The following TMEM132C variants were observed in gnomAD, a reference collection of about 807,000 sequenced individuals.
TMEM132C encodes the protein protein phosphatase 1, regulatory subunit 152.
Under a neutral mutation model 61.4 loss-of-function variants are expected in TMEM132C, and 29 were observed. That is an observed-to-expected ratio of 0.47 (90% CI 0.35 to 0.64). The LOEUF (loss-of-function observed/expected upper bound fraction) is 0.64, where lower values mean the gene tolerates loss of function less well. Among genes scored for constraint, TMEM132C ranks in the 30% least tolerant of loss-of-function variants. The pLI, the probability that TMEM132C is intolerant of heterozygous loss-of-function variation, is 0.00. For missense variants in TMEM132C, 1,408 were observed against 1,476.9 expected, an observed-to-expected ratio of 0.95 and a Z score of 0.76; for synonymous variants, 656 against 633.1, an observed-to-expected ratio of 1.04 and a Z score of -0.54.
intron 1 of TMEM132C, among the ~76,000 whole-genome samples, chr12:128,376,065 C>G (rs929568395): frequency 6.6e-6 from 1 of 152,186 alleles, no homozygotes; most frequent in African/African-American, 2.4e-5. Context: ...GTTCTGCTTT[C>G]CCGTTTTCCC....
At chr12:128,306,454 G>C (rs973668635) in intron 1 of TMEM132C, among the ~76,000 whole-genome samples, 1 of 151,984 alleles carries the variant, frequency 6.6e-6, no homozygotes, top group African/African-American at 2.4e-5. Context: ...TGCCCACCTC[G>C]GCCTCCCAAA....
chr12:128,609,340 G>A (rs977230714), intron 3 of TMEM132C, among the ~76,000 whole-genome samples: 1 of 142,464 alleles, frequency 7.0e-6, no homozygotes, highest in Non-Finnish European at 1.5e-5. Flanking sequence ...CCAGGCTCAA[G>A]GGATCCTCCC....
intron 1 of TMEM132C, among the ~76,000 whole-genome samples, chr12:128,313,496 G>C (rs548214986): frequency 6.6e-6 from 1 of 152,194 alleles, no homozygotes; most frequent in South Asian, 2.1e-4. Flanking sequence ...TCCAGTTATC[G>C]GGACTGGCTT....
intron 2 of TMEM132C, among the ~76,000 whole-genome samples, chr12:128,495,051 C>T (rs1310730823): frequency 7.8e-6 from 1 of 129,018 alleles, no homozygotes; most frequent in African/African-American, 2.7e-5. Flanking sequence ...TGTCTTTGTT[C>T]TCGTTGGTTT....
intron 1 of TMEM132C, among the ~76,000 whole-genome samples, chr12:128,413,453 G>A (rs12303836): frequency 6.6e-6 from 1 of 151,926 alleles, no homozygotes; most frequent in African/African-American, 2.4e-5. Flanking sequence ...TTCCCTTCCA[G>A]AAAGGTCGTA....
intron 2 of TMEM132C, among the ~76,000 whole-genome samples, chr12:128,421,374 T>C (rs10847612): frequency 0.51 from 77,615 of 152,090 alleles, 20,990 homozygotes; most frequent in East Asian, 0.61. Flanking sequence ...GAATGTTGGA[T>C]CATCGAGGTC....
chr12:128,431,126 G>T (rs970800759), intron 2 of TMEM132C, among the ~76,000 whole-genome samples: 1 of 152,206 alleles, frequency 6.6e-6, no homozygotes, highest in Non-Finnish European at 1.5e-5. Context: ...GAAATGAAAC[G>T]TGCGACTCCA....
chr12:128,429,571 G>A (rs1869315688), intron 2 of TMEM132C, among the ~76,000 whole-genome samples: 1 of 152,170 alleles, frequency 6.6e-6, no homozygotes, highest in African/African-American at 2.4e-5. Flanking sequence ...CCCAGATGTT[G>A]GCTGCAGGTC....
At chr12:128,600,050 T>C (rs1474912313) in intron 3 of TMEM132C, among the ~76,000 whole-genome samples, 2 of 152,190 alleles carry the variant, frequency 1.3e-5, no homozygotes, top group African/African-American at 2.4e-5. Flanking sequence ...TGGCGCGATC[T>C]CGGCTCACTG....
intron 4 of TMEM132C, among the ~76,000 whole-genome samples, chr12:128,660,777 G>A (rs1370611986): frequency 6.6e-6 from 1 of 152,128 alleles, no homozygotes; most frequent in Non-Finnish European, 1.5e-5. Context: ...AACCTCCACG[G>A]CCACCGTGAG....
intron 4 of TMEM132C, among the ~76,000 whole-genome samples, chr12:128,640,391 T>C (rs11615072): frequency 0.11 from 16,427 of 152,180 alleles, 1,047 homozygotes; most frequent in African/African-American, 0.17. Context: ...GACCACATGC[T>C]GTATGATTCC....
intron 1 of TMEM132C, among the ~76,000 whole-genome samples, chr12:128,359,950 C>G (rs148009284): frequency 6.6e-6 from 1 of 152,050 alleles, no homozygotes; most frequent in Non-Finnish European, 1.5e-5. Context: ...TCCAGGAGGA[C>G]GGGTGATGAA....
intron 8 of TMEM132C, among the ~76,000 whole-genome samples, chr12:128,699,008 T>C (rs748602149): frequency 1.3e-5 from 2 of 152,154 alleles, no homozygotes; most frequent in Non-Finnish European, 2.9e-5. Context: ...GTCTAGGGGC[T>C]TGTGTTCTTC....
chr12:128,363,277 G>A (rs1366223094), intron 1 of TMEM132C, among the ~76,000 whole-genome samples: 3 of 152,176 alleles, frequency 2.0e-5, no homozygotes, highest in Non-Finnish European at 4.4e-5. Context: ...CTTTTCAAAA[G>A]AAAGTCCCAA....
chr12:128,633,168 A>C (rs559301710), intron 4 of TMEM132C, among the ~76,000 whole-genome samples: 47 of 152,284 alleles, frequency 3.1e-4, no homozygotes, highest in African/African-American at 1.1e-3. Context: ...GTTCCTCCCA[A>C]GCAGGCCGCA....
chr12:128,383,432 C>T (rs926896656), intron 1 of TMEM132C, among the ~76,000 whole-genome samples: 4 of 152,296 alleles, frequency 2.6e-5, no homozygotes, highest in Middle Eastern at 3.4e-3. Context: ...CGTGCTGAGT[C>T]GACCTGTCCT....
intron 1 of TMEM132C, among the ~76,000 whole-genome samples, chr12:128,303,596 T>C (rs1235012111): frequency 6.6e-6 from 1 of 152,248 alleles, no homozygotes; most frequent in Non-Finnish European, 1.5e-5. Context: ...AAATACATCC[T>C]GAGCCTTAGG....
At chr12:128,269,204 G>T (rs999768569) in intron 1 of TMEM132C, among the ~76,000 whole-genome samples, 1 of 152,180 alleles carries the variant, frequency 6.6e-6, no homozygotes, top group Non-Finnish European at 1.5e-5. Context: ...AAAGCACTTT[G>T]CAGAGGAAGG....
intron 2 of TMEM132C, among the ~76,000 whole-genome samples, chr12:128,449,692 A>G (rs779019093): frequency 6.6e-6 from 1 of 152,200 alleles, no homozygotes; most frequent in Non-Finnish European, 1.5e-5. Flanking sequence ...TCAGAGTACA[A>G]ACTAATCATG....
Sources: gnomAD v4.1 joint callset for allele counts (sites outside exome capture counted in the v4.1 genomes callset) on GRCh38, gnomAD v4.1.1 for gene constraint, MANE v1.5 for transcripts, NCBI Gene and HGNC (gene_info 2026-07-23, HGNC 2026-07-21) for gene names.